YLPM1: variants seen among roughly 807,000 people sequenced by gnomAD.
The protein encoded by YLPM1 is YLP motif containing 1.
A neutral mutation model predicts 230.0 loss-of-function variants in YLPM1; 99 were observed. That is an observed-to-expected ratio of 0.43 (90% confidence interval 0.37 to 0.51). The LOEUF (loss-of-function observed/expected upper bound fraction) is 0.51. Among genes scored for constraint, YLPM1 ranks in the 20% least tolerant of loss-of-function variants. YLPM1 has a pLI of 0.00. For synonymous variants in YLPM1, 984 were observed against 942.5 expected, an observed-to-expected ratio of 1.04 and a Z score of -0.81; for missense variants, 2,592 against 2,707.7, an observed-to-expected ratio of 0.96 and a Z score of 0.95.
intron 4 of YLPM1, among the ~76,000 whole-genome samples, chr14:74,789,009 A>C (rs2091177364): frequency 6.6e-6 from 1 of 152,204 alleles, no homozygotes; most frequent in African/African-American, 2.4e-5. Context: ...AGTTCACCCC[A>C]ACACCATTTA....
At chr14:74,811,105 G>A (rs911070374) in intron 9 of YLPM1, among the ~76,000 whole-genome samples, 2 of 152,062 alleles carry the variant, frequency 1.3e-5, no homozygotes, top group African/African-American at 4.8e-5. Context: ...GGGATTATAG[G>A]CGTGAGCCAT....
rs774822257 is a variant in YLPM1, at chr14:74,809,524, C to T, written c.4666C>T (p.Pro1556Ser). 4 of 1,587,546 alleles carry T rather than the reference C, an allele frequency of 2.5e-6. No individual in the cohort carries two copies. Among genetic ancestry groups the T allele is most frequent in the Admixed American group, 1.8e-5 (1 of 55,152 alleles). The change falls in exon 7 of 21, where the codon CCT becomes TCT. Residue 1556 changes from proline (P) to serine (S), a missense_variant. Coordinates refer to ENST00000325680, the MANE Select transcript of YLPM1 (RefSeq NM_019589.3). ...ACCACCTCCACCTCCTCCACCTCTA[C>T]CTCCTCCTCCTCCAGTGATAAAGCC... ...IPPPPPPPPL[P>S]PPPPVIKPQT...
At chr14:74,772,571 C>T (rs895919595) in intron 1 of YLPM1, among the ~76,000 whole-genome samples, 4 of 152,094 alleles carry the variant, frequency 2.6e-5, no homozygotes, top group Non-Finnish European at 4.4e-5. Flanking sequence ...GTTGGTCAGG[C>T]TGGTCTCGAA....
Position 74,809,989 on chromosome 14 carries a change from A to C in YLPM1, c.5019A>C (p.Ser1673=). The change falls in exon 8 of 21, where the codon TCA becomes TCC. Residue 1673 remains serine (S), a synonymous_variant. Coordinates refer to ENST00000325680, the MANE Select transcript of YLPM1 (RefSeq NM_019589.3). ...TLRPDPLPER[S]TFETEHAGQR... Reference sequence around the variant, plus strand: ...GCCCAGATCCACTACCTGAAAGATCAACTTTTGAGACAGGTAGGATTCCCA... The same window carrying C: ...GCCCAGATCCACTACCTGAAAGATCCACTTTTGAGACAGGTAGGATTCCCA... 2 of 1,604,814 alleles carry C rather than the reference A, an allele frequency of 1.2e-6. No homozygotes were observed. The highest frequency in any genetic ancestry group is 4.5e-5 in the East Asian group (2 of 44,738).
At chr14:74,817,668 CTTGT>C (rs1439957082) in intron 15 of YLPM1, among the ~76,000 whole-genome samples, 1 of 152,130 alleles carries the variant, frequency 6.6e-6, no homozygotes, top group East Asian at 1.9e-4. Flanking sequence ...TCTGGAAGCT[CTTGT>C]TTATCTCCTT....
intron 19 of YLPM1, among the ~76,000 whole-genome samples, chr14:74,829,734 A>G (rs1156999253): frequency 6.6e-6 from 1 of 152,162 alleles, no homozygotes; most frequent in Non-Finnish European, 1.5e-5. Context: ...TACTCTGGCC[A>G]TGAGCACTGC....
rs2091284689 is a variant in YLPM1, at chr14:74,798,283, C to G, written c.2986C>G (p.Gln996Glu). The change falls in exon 5 of 21, where the codon CAA becomes GAA. Residue 996 changes from glutamine (Q) to glutamate (E), a missense_variant. Gln to Glu is a conservative substitution (Grantham distance 29, BLOSUM62 2). Transcript: ENST00000325680. ...TGGTCTACCCCATTCAGAAAACAAC[C>G]AAGATAAAGGCCTGCCTCGGCCAGA... ...GIGLPHSENN[Q>E]DKGLPRPDNR... 1.9e-6 allele frequency: 3 copies of G among 1,613,796 alleles called. No homozygotes were observed. The highest frequency in any genetic ancestry group is 1.6e-4 in the Middle Eastern group (1 of 6,062).
chr14:74,783,645 T>C (rs1652895745), intron 4 of YLPM1, among the ~76,000 whole-genome samples: 1 of 152,226 alleles, frequency 6.6e-6, no homozygotes, highest in Non-Finnish European at 1.5e-5. Flanking sequence ...TACATCATCA[T>C]TTTTTTCAAC....
chr14:74,811,240 G>A lies in YLPM1; in HGVS notation c.5229-380G>A, dbSNP rs755522147. Among the ~76,000 whole-genome samples, 29 of 152,122 alleles carry A rather than the reference G, an allele frequency of 1.9e-4. 1 individual carries two copies. The highest frequency in any genetic ancestry group is 3.6e-4 in the African/African-American group (15 of 41,442). ...CTCACGCCTGTAATCCTAGCACTTT[G>A]GGAGGCCAAGGCAGGTGGATCTCTT... On this transcript the variant is annotated intron_variant, in intron 9 of 20. Transcript: ENST00000325680.
chr14:74,831,052 G>C (rs553054774), intron 19 of YLPM1, among the ~76,000 whole-genome samples: 4 of 152,138 alleles, frequency 2.6e-5, no homozygotes, highest in African/African-American at 9.7e-5. Context: ...ATAATTGCCT[G>C]TTTTTCTACA....
chr14:74,806,174 T>C (rs2091376690), intron 6 of YLPM1, among the ~76,000 whole-genome samples: 1 of 151,138 alleles, frequency 6.6e-6, no homozygotes, highest in South Asian at 2.1e-4. Flanking sequence ...CTGGCCAACA[T>C]GGTGAAACCC....
chr14:74,765,218 A>G (rs1356885747), intron 1 of YLPM1, among the ~76,000 whole-genome samples: 1 of 152,240 alleles, frequency 6.6e-6, no homozygotes, highest in Non-Finnish European at 1.5e-5. Context: ...GGGAAGGTCA[A>G]ACTAAAGCAG....
Position 74,798,183 on chromosome 14 carries a change from A to G in YLPM1, c.2886A>G (p.Thr962=), listed in dbSNP as rs374231863. The G allele has an allele frequency of 7.4e-5, 120 of 1,613,810 alleles. No homozygotes were observed. The African/African-American group carries it at 8.5e-4, about 11-fold the overall frequency. The change falls in exon 5 of 21, where the codon ACA becomes ACG. Residue 962 remains threonine, a synonymous_variant. Coordinates refer to ENST00000325680, the MANE Select transcript of YLPM1 (RefSeq NM_019589.3). ...CTCAATCTACTTTTCCTTCAAAAAC[A>G]GGGGGGATGGAGGGAGGAACAGCAG... ...VPAQSTFPSK[T]GGMEGGTAVA...
Position 74,780,714 on chromosome 14 carries a change from C to A in YLPM1, c.1290+130C>A, listed in dbSNP as rs1056350071. ...ACAATTAGTTGTTTCCCAAGGGGTG[C>A]CCAAGTAGTTATCTGCCACATTACC... is the stretch of plus-strand genomic sequence containing the variant. On this transcript the variant is annotated intron_variant, in intron 3 of 20. Transcript: ENST00000325680. The A allele has an allele frequency of 2.8e-6, 4 of 1,424,832 alleles. No homozygotes were observed. In the African/African-American group the frequency reaches 5.8e-5, roughly 21 times the overall value. The allele number at this position is 1,424,832 out of a possible 1,614,324, so 88.3% of individuals were successfully genotyped here.
At chr14:74,767,573 T>A (rs1030209735) in intron 1 of YLPM1, among the ~76,000 whole-genome samples, 1 of 152,222 alleles carries the variant, frequency 6.6e-6, no homozygotes, top group African/African-American at 2.4e-5. Flanking sequence ...ACCCATTAGA[T>A]GCCAGTGGCA....
At chr14:74,818,781 T>C (rs1436308850) in intron 16 of YLPM1, among the ~76,000 whole-genome samples, 1 of 152,216 alleles carries the variant, frequency 6.6e-6, no homozygotes, top group African/African-American at 2.4e-5. Context: ...TATATAGAAA[T>C]TTTCAAAAAT....
In YLPM1 at chr14:74,763,498, G is replaced by A. The variant is rs916331020; in HGVS notation, c.9G>A (p.Pro3=). The A allele has an allele frequency of 1.7e-5, 26 of 1,488,444 alleles. No individual in the cohort carries two copies. The highest frequency in any genetic ancestry group is 2.1e-5 in the Non-Finnish European group (23 of 1,115,664). The allele number at this position is 1,488,444 out of a possible 1,614,324, so 92.2% of individuals were successfully genotyped here. The part of the protein sequence containing the change: MY[P]NWGRYGGSSH... ...GCGCCTTCTTTTTCGATATGTACCC[G>A]AATTGGGGCCGGTATGGCGGGAGCA... Residue 3 remains proline, a synonymous_variant, in exon 1 of 21, where the codon CCG becomes CCA. Coordinates refer to ENST00000325680, the MANE Select transcript of YLPM1 (RefSeq NM_019589.3).
chr14:74,783,847 A>G (rs894846786), intron 4 of YLPM1, among the ~76,000 whole-genome samples: 1 of 152,198 alleles, frequency 6.6e-6, no homozygotes, highest in Non-Finnish European at 1.5e-5. Context: ...CTTCTCAACA[A>G]CCTGTGAAGT....
intron 9 of YLPM1, among the ~76,000 whole-genome samples, chr14:74,810,720 TTTATTATTATTA>T (rs34344967): frequency 6.7e-6 from 1 of 150,258 alleles, no homozygotes; most frequent in African/African-American, 2.4e-5. Context: ...GAGCTTTTTA[TTTATTATTATTA>T]TTATTATTAT....
Sources: allele counts gnomAD v4.1 joint callset (sites outside exome capture counted in the v4.1 genomes callset), GRCh38; gene constraint gnomAD v4.1.1; transcripts MANE v1.5; gene names NCBI Gene and HGNC (gene_info 2026-07-23, HGNC 2026-07-21).